Variants in CPS1 observed in about 807,000 individuals in gnomAD.
CPS1 encodes the protein carbamoyl-phosphate synthase [ammonia], mitochondrial.
Under a neutral mutation model 174.6 loss-of-function variants are expected in CPS1, and 109 were observed. That is an observed-to-expected ratio of 0.62 (90% CI 0.53 to 0.73). CPS1 has a LOEUF of 0.73. CPS1 is among the 30% of genes least tolerant of loss of function. The pLI is 0.00. For missense variants in CPS1, 1,689 were observed against 1,821.9 expected (o/e 0.93, Z 1.33); for synonymous variants, 637 against 632.0 (o/e 1.01, Z -0.12).
chr2:210,636,251 A>G (rs1700039367), intron 21 of CPS1, among the ~76,000 whole-genome samples: 1 of 152,080 alleles, frequency 6.6e-6, no homozygotes, highest in African/African-American at 2.4e-5. Context: ...CTCTTTACAA[A>G]TTATTTTTGC....
At chr2:210,505,068 T>C (rs1473227861) in intron 1 of CPS1, among the ~76,000 whole-genome samples, 1 of 151,944 alleles carries the variant, frequency 6.6e-6, no homozygotes, top group Non-Finnish European at 1.5e-5. Flanking sequence ...CCACACACTC[T>C]GCCTAAGAGT....
At chr2:210,531,910 G>A (rs1696123927) in intron 1 of CPS1, among the ~76,000 whole-genome samples, 1 of 152,012 alleles carries the variant, frequency 6.6e-6, no homozygotes, top group African/African-American at 2.4e-5. Flanking sequence ...ATTATTTGTT[G>A]GGAAAATGTA....
At chr2:210,539,361 T>C (rs1416256918) in intron 1 of CPS1, among the ~76,000 whole-genome samples, 1 of 151,562 alleles carries the variant, frequency 6.6e-6, no homozygotes, top group Non-Finnish European at 1.5e-5. Context: ...ATAATCTCTA[T>C]TGATTATTTT....
rs1274036098 is a variant in CPS1, at chr2:210,678,070, G to T, written c.*85G>T. 5.0e-6 allele frequency: 5 copies of T among 996,082 alleles called. No homozygotes were observed. The African/African-American group carries it at 7.9e-5, about 16-fold the overall frequency. 61.7% of individuals were successfully genotyped at this position (996,082 alleles called of 1,614,324 possible). On this transcript the variant is annotated 3_prime_UTR_variant, in exon 38 of 38. Transcript: ENST00000233072. ...ACTGATTCACAACTTTCTCAGAGAT[G>T]AATATTGATAACTAAACTTCATTTC...
chr2:210,606,256 G>A (rs376799245), intron 17 of CPS1, among the ~76,000 whole-genome samples: 5 of 151,978 alleles, frequency 3.3e-5, no homozygotes, highest in African/African-American at 1.2e-4. Context: ...GCAATGTTGG[G>A]AGAAGACTTC....
At chr2:210,497,396 A>C (rs1241561551) in intron 1 of CPS1, among the ~76,000 whole-genome samples, 1 of 152,076 alleles carries the variant, frequency 6.6e-6, no homozygotes, top group African/African-American at 2.4e-5. Flanking sequence ...ATTTTTTTAT[A>C]ATTTCAAATT....
chr2:210,486,115 T>TACACACACACACACACACACACAC (rs60740361), intron 1 of CPS1, among the ~76,000 whole-genome samples: 1 of 135,666 alleles, frequency 7.4e-6, no homozygotes, highest in Admixed American at 7.3e-5. Flanking sequence ...CACACACACA[T>TACACACACACACACACACACACAC]ACACACACAC....
At chr2:210,618,659 T>G (rs1343989177) in intron 21 of CPS1, 1 of 152,084 alleles carries the variant, frequency 6.6e-6, no homozygotes, top group Non-Finnish European at 1.5e-5. Flanking sequence ...TTGTGGCACA[T>G]AGGGGTCTGA....
rs564611729 is a variant in CPS1, at chr2:210,518,610, G to A, written c.4-38109G>A. On this transcript the variant is annotated intron_variant, in intron 1 of 38. Coordinates refer to the CPS1 transcript ENST00000430249. ...GTTGGACCTTGGGAAAGGAAGTCAC[G>A]TAAGAAAAGGAACAGGGTCTCATTC... Among the ~76,000 whole-genome samples, 14 of 152,120 alleles carry A rather than the reference G, an allele frequency of 9.2e-5. No individual in the cohort carries two copies. In the East Asian group the frequency reaches 1.9e-3, roughly 21 times the overall value.
intron 1 of CPS1, among the ~76,000 whole-genome samples, chr2:210,480,293 A>C (rs1574454776): frequency 6.6e-6 from 1 of 152,218 alleles, no homozygotes; most frequent in East Asian, 1.9e-4. Flanking sequence ...ACTGGTGAGG[A>C]TTTAGTCACT....
Position 210,608,565 on chromosome 2 carries a change from T to G in CPS1, c.2391+6T>G. The G allele has an allele frequency of 5.0e-6, 8 of 1,610,868 alleles. No homozygotes were observed. The highest frequency in any genetic ancestry group is 6.8e-6 in the Non-Finnish European group (8 of 1,177,806). On this transcript the variant is annotated splice_donor_region_variant and intron_variant, in intron 19 of 37. Transcript: ENST00000233072. The stretch of plus-strand genomic sequence containing the variant: ...CTATGAAAAGTGTAGGAGAGGTGAG[T>G]CCTTGGTTTATTACGCTTTTCTTCT...
rs1221375485 is a variant in CPS1 at position 210,606,789 on chromosome 2, G to A, written c.2040G>A (p.Leu680=). ...QTLSNAEFQM[L]RRTSINVVRH... ...TCTCCAATGCCGAGTTTCAGATGTTGAGACGTACTTCAATCAATGTTGTTC... is the reference window on the plus strand; with the variant it reads ...TCTCCAATGCCGAGTTTCAGATGTTAAGACGTACTTCAATCAATGTTGTTC... Residue 680 remains leucine (L), a synonymous_variant, in exon 18 of 38, where the codon TTG becomes TTA. Coordinates refer to ENST00000233072, the MANE Select transcript of CPS1 (RefSeq NM_001875.5). The A allele has an allele frequency of 6.2e-7, 1 of 1,612,572 alleles. No homozygotes were observed.
At chr2:210,668,326 G>T (rs745554774) in intron 34 of CPS1, 42 bp downstream of exon 34, 4 of 1,324,616 alleles carry the variant, frequency 3.0e-6, no homozygotes, top group East Asian at 2.3e-5. Flanking sequence ...GGTCATACAT[G>T]GTGAGTGGGG....
intron 1 of CPS1, among the ~76,000 whole-genome samples, chr2:210,482,450 G>T (rs1020523946): frequency 1.3e-5 from 2 of 151,730 alleles, no homozygotes; most frequent in Non-Finnish European, 2.9e-5. Context: ...TTACAGACCC[G>T]TGCCACCACG....
chr2:210,530,265 C>T (rs956521091), intron 1 of CPS1, among the ~76,000 whole-genome samples: 4 of 152,060 alleles, frequency 2.6e-5, no homozygotes, highest in African/African-American at 9.7e-5. Flanking sequence ...ATAGATTAGA[C>T]TCTTCTGATT....
At chr2:210,613,203 C>T (rs953284194) in intron 20 of CPS1, among the ~76,000 whole-genome samples, 1 of 151,792 alleles carries the variant, frequency 6.6e-6, no homozygotes, top group Non-Finnish European at 1.5e-5. Context: ...TGTGTAGAAA[C>T]AGAAAAATGT....
chr2:210,522,881 T>C (rs976692446), intron 1 of CPS1, among the ~76,000 whole-genome samples: 2 of 152,020 alleles, frequency 1.3e-5, no homozygotes, highest in Non-Finnish European at 2.9e-5. Context: ...CATTTGATTG[T>C]GAAAAATGTT....
upstream of CPS1, among the ~76,000 whole-genome samples, chr2:210,555,981 G>T (rs112377572): frequency 0.016 from 2,426 of 152,006 alleles, 50 homozygotes; most frequent in African/African-American, 0.051. Context: ...GGCTTAAGAG[G>T]GATATAATAG....
chr2:210,479,329 C>CTTTTT (rs11299389), intron 1 of CPS1, among the ~76,000 whole-genome samples: 1 of 122,412 alleles, frequency 8.2e-6, no homozygotes, highest in Non-Finnish European at 1.7e-5. Context: ...ATCATTCTTT[C>CTTTTT]TTTTTTTTTT....
Sources: gnomAD v4.1 joint callset for allele counts (sites outside exome capture counted in the v4.1 genomes callset) on GRCh38, gnomAD v4.1.1 for gene constraint, MANE v1.5 for transcripts, NCBI Gene and HGNC (gene_info 2026-07-23, HGNC 2026-07-21) for gene names.